The following KIF16B variants were observed in gnomAD, a reference collection of about 807,000 sequenced individuals.
KIF16B encodes the protein kinesin-like protein KIF16B.
KIF16B carries 98 observed loss-of-function variants against 156.3 expected under a neutral mutation model. The ratio of observed to expected loss-of-function variants is 0.63; its 90% confidence interval spans 0.53 to 0.74. The LOEUF is 0.74. Ranked by LOEUF, KIF16B falls within the 30% of genes least tolerant of loss-of-function variation. KIF16B has a pLI of 0.00. For synonymous variants in KIF16B, 564 were observed against 583.7 expected, an observed-to-expected ratio of 0.97 and a Z score of 0.49; for missense variants, 1,421 against 1,606.5, an observed-to-expected ratio of 0.88 and a Z score of 1.97.
chr20:16,369,114 TG>T (rs1422674173), intron 22 of KIF16B: 59 of 985,718 alleles, frequency 6.0e-5, no homozygotes, highest in Non-Finnish European at 6.9e-5. Context: ...CTGAGGAAGT[TG>T]TTTTAGGGCC....
intron 25 of KIF16B, among the ~76,000 whole-genome samples, chr20:16,275,603 C>T (rs1201199718): frequency 6.6e-6 from 1 of 152,154 alleles, no homozygotes; most frequent in Non-Finnish European, 1.5e-5. Context: ...AGCAAGTATT[C>T]TCAACTCAAG....
intron 22 of KIF16B, among the ~76,000 whole-genome samples, chr20:16,356,777 A>G (rs2123156060): frequency 6.6e-6 from 1 of 152,372 alleles, no homozygotes; most frequent in Middle Eastern, 3.4e-3. Context: ...CTTAAAAAAA[A>G]TCAGTGTAAA....
At chr20:16,546,488 C>T (rs1191519727) in intron 1 of KIF16B, among the ~76,000 whole-genome samples, 1 of 152,164 alleles carries the variant, frequency 6.6e-6, no homozygotes, top group African/African-American at 2.4e-5. Context: ...ACAAAACCAA[C>T]AAAATGATCT....
At chr20:16,361,869 G>T (rs2064558444) in intron 22 of KIF16B, among the ~76,000 whole-genome samples, 1 of 152,174 alleles carries the variant, frequency 6.6e-6, no homozygotes, top group Admixed American at 6.5e-5. Flanking sequence ...TCAAGGTTTG[G>T]AAATATTGAA....
chr20:16,498,646 A>G (rs1398372369), intron 10 of KIF16B, among the ~76,000 whole-genome samples: 2 of 152,040 alleles, frequency 1.3e-5, no homozygotes. Context: ...CATTGTATAG[A>G]TTTCTATGAT....
Position 16,367,784 on chromosome 20 carries a change from C to T in KIF16B, c.3498+2802G>A, listed in dbSNP as rs772468137. The T allele has an allele frequency of 3.1e-6, 5 of 1,612,560 alleles. No homozygotes were observed. The Admixed American group carries it at 8.3e-5, about 27-fold the overall frequency. On this transcript the variant is annotated intron_variant, in intron 22 of 25. Transcript: ENST00000354981. ...AAGGGATGATTAGCGCAGGCAGCGG[C>T]ATCAGGCTCTGGCATCAGGACACAC...
At chr20:16,441,075 TA>T (rs1568536909) in intron 12 of KIF16B, among the ~76,000 whole-genome samples, 1 of 152,214 alleles carries the variant, frequency 6.6e-6, no homozygotes, top group Non-Finnish European at 1.5e-5. Flanking sequence ...ATATTTCACC[TA>T]CATGGAAGAC....
At chr20:16,273,948 C>T (rs975117863) in intron 25 of KIF16B, among the ~76,000 whole-genome samples, 2 of 152,026 alleles carry the variant, frequency 1.3e-5, no homozygotes, top group African/African-American at 4.8e-5. Flanking sequence ...CAGACAATGC[C>T]TAGGAAAATG....
intron 25 of KIF16B, among the ~76,000 whole-genome samples, chr20:16,291,520 G>C (rs562293171): frequency 1.3e-4 from 20 of 152,316 alleles, no homozygotes; most frequent in African/African-American, 4.8e-4. Flanking sequence ...CTGCAATGCT[G>C]CAATAGGACA....
In KIF16B at chr20:16,528,445, A is replaced by T. The variant is rs763721305; in HGVS notation, c.48-5T>A. 1.9e-6 allele frequency: 3 copies of T among 1,590,216 alleles called. No homozygotes were observed. The highest frequency in any genetic ancestry group is 2.6e-6 in the Non-Finnish European group (3 of 1,158,144). On this transcript the variant is annotated splice_region_variant and splice_polypyrimidine_tract_variant and intron_variant, in intron 1 of 25. Coordinates refer to ENST00000354981, the MANE Select transcript of KIF16B (RefSeq NM_024704.5). Reference sequence around the variant, plus strand: ...TTGGCCTCCAAGTCCTTTTCCCTGCAATACAAATAATTCAGTAGTGGTTAG... The same window carrying T: ...TTGGCCTCCAAGTCCTTTTCCCTGCTATACAAATAATTCAGTAGTGGTTAG...
At chr20:16,537,409 C>T (rs1343989833) in intron 1 of KIF16B, among the ~76,000 whole-genome samples, 2 of 152,106 alleles carry the variant, frequency 1.3e-5, no homozygotes, top group Non-Finnish European at 2.9e-5. Context: ...TCTCATCCAC[C>T]AGACTCTTAA....
At chr20:16,431,936 A>ACACACACACACACACG (rs990835534) in intron 12 of KIF16B, among the ~76,000 whole-genome samples, 86 of 151,212 alleles carry the variant, frequency 5.7e-4, no homozygotes, top group African/African-American at 2.0e-3. Context: ...ACACACACAC[A>ACACACACACACACACG]CACGCACAAG....
chr20:16,506,669 T>A (rs893363118), intron 7 of KIF16B, among the ~76,000 whole-genome samples: 2 of 152,228 alleles, frequency 1.3e-5, no homozygotes, highest in Non-Finnish European at 2.9e-5. Context: ...TCTTAAATAC[T>A]ATATTCCTCG....
At chr20:16,376,966 T>C (rs56918244) in intron 19 of KIF16B, among the ~76,000 whole-genome samples, 25,588 of 152,208 alleles carry the variant, frequency 0.17, 2,274 homozygotes, top group East Asian at 0.29. Context: ...ATTTTGTTGC[T>C]GTTTTGCCTG....
chr20:16,299,291 G>A (rs2063438021), intron 25 of KIF16B, among the ~76,000 whole-genome samples: 1 of 151,994 alleles, frequency 6.6e-6, no homozygotes, highest in Admixed American at 6.6e-5. Flanking sequence ...GTTGAAGTGG[G>A]GTGATGGAGA....
intron 1 of KIF16B, among the ~76,000 whole-genome samples, chr20:16,564,903 G>A (rs571275096): frequency 6.6e-6 from 1 of 151,644 alleles, no homozygotes; most frequent in Non-Finnish European, 1.5e-5. Context: ...TCACACTGGC[G>A]ACCTTCCCTC....
At chr20:16,511,614 C>T in intron 5 of KIF16B, 87 bp from the exon 6 acceptor site, 2 of 754,706 alleles carry the variant, frequency 2.7e-6, no homozygotes, top group Non-Finnish European at 4.4e-6. Context: ...AACCTGCTGA[C>T]ATAAATGGCC....
At chr20:16,348,477 G>A (rs2064274617) in intron 23 of KIF16B, among the ~76,000 whole-genome samples, 1 of 152,198 alleles carries the variant, frequency 6.6e-6, no homozygotes, top group Non-Finnish European at 1.5e-5. Context: ...AATGCCTTGG[G>A]TAAAGAAGGT....
At chr20:16,558,051 G>A (rs1439940090) in intron 1 of KIF16B, among the ~76,000 whole-genome samples, 2 of 152,098 alleles carry the variant, frequency 1.3e-5, no homozygotes, top group East Asian at 1.9e-4. Context: ...GCAATAGGGG[G>A]CACTATTTTC....
Sources: gnomAD v4.1 joint callset for allele counts (sites outside exome capture counted in the v4.1 genomes callset) on GRCh38, gnomAD v4.1.1 for gene constraint, MANE v1.5 for transcripts, NCBI Gene and HGNC (gene_info 2026-07-23, HGNC 2026-07-21) for gene names.